Variants in SUMF1 observed in about 807,000 individuals in gnomAD.
SUMF1 encodes the protein formylglycine-generating enzyme.
Under a neutral mutation model 47.6 loss-of-function variants are expected in SUMF1, and 48 were observed. That is an observed-to-expected ratio of 1.01 (90% confidence interval 0.80 to 1.28). The LOEUF (loss-of-function observed/expected upper bound fraction) is 1.28, where lower values mean the gene tolerates loss of function less well. Ranked by LOEUF, SUMF1 falls within the 50% of genes most tolerant of loss-of-function variation. SUMF1 has a pLI of 0.00. For synonymous variants in SUMF1, 230 were observed against 192.1 expected, an observed-to-expected ratio of 1.20 and a Z score of -1.63; for missense variants, 571 against 485.4, an observed-to-expected ratio of 1.18 and a Z score of -1.66.
At chr3:4,081,618 A>T (rs1692561629) in intron 8 of SUMF1, among the ~76,000 whole-genome samples, 1 of 152,102 alleles carries the variant, frequency 6.6e-6, no homozygotes, top group Admixed American at 6.6e-5. Flanking sequence ...CTTCCTAATT[A>T]ATTTGACCAT....
Position 4,180,627 on chromosome 3 carries a change from G to A in SUMF1, c.1015-111882C>T, listed in dbSNP as rs530086837. On this transcript the variant is annotated intron_variant and NMD_transcript_variant, in intron 8 of 12. Transcript: ENST00000448413. The stretch of plus-strand genomic sequence containing the variant: ...TTGATGGGTGCAGCAAGCCAACATG[G>A]CACATGTATACCTATGTATCAAACC... Among the ~76,000 whole-genome samples the A allele has an allele frequency of 2.0e-5, 3 of 147,934 alleles. No individual in the cohort carries two copies. The South Asian group carries it at 6.5e-4, about 32-fold the overall frequency.
At chr3:4,243,686 T>C (rs1470649092) in intron 8 of SUMF1, among the ~76,000 whole-genome samples, 2 of 152,220 alleles carry the variant, frequency 1.3e-5, no homozygotes, top group Admixed American at 6.5e-5. Flanking sequence ...CTTCCAATTA[T>C]GTGGTCAGTT....
rs568714212 is a variant in SUMF1 at position 4,052,339 on chromosome 3, C to A, written c.1191+16230G>T. On this transcript the variant is annotated intron_variant and NMD_transcript_variant, in intron 9 of 12. Coordinates refer to the SUMF1 transcript ENST00000448413. ...ATCACATTAGGGGTTAGGAACTTAA[C>A]ATATAAATTTGGCAAGGACACAAAT... 3.9e-5 allele frequency among the ~76,000 whole-genome samples: 6 copies of A among 152,280 alleles called. No homozygotes were observed. In the East Asian group the frequency reaches 9.7e-4, roughly 25 times the overall value.
chr3:4,335,548 G>C (rs1047957959), intron 8 of SUMF1, among the ~76,000 whole-genome samples: 1 of 152,210 alleles, frequency 6.6e-6, no homozygotes, highest in Admixed American at 6.5e-5. Context: ...TTCTGCAGCA[G>C]AATTAACCTC....
At chr3:4,141,923 T>G (rs9859741) in intron 8 of SUMF1, among the ~76,000 whole-genome samples, 56 of 151,882 alleles carry the variant, frequency 3.7e-4, no homozygotes, top group African/African-American at 1.3e-3. Flanking sequence ...GGAACCCACA[T>G]GTTTTCAAAA....
At chr3:4,214,270 C>G (rs1695866536) in intron 8 of SUMF1, among the ~76,000 whole-genome samples, 1 of 152,154 alleles carries the variant, frequency 6.6e-6, no homozygotes, top group South Asian at 2.1e-4. Context: ...CAAAACTGAA[C>G]AACCACATGG....
chr3:4,296,749 G>A (rs1443527738), intron 8 of SUMF1, among the ~76,000 whole-genome samples: 1 of 152,066 alleles, frequency 6.6e-6, no homozygotes, highest in Non-Finnish European at 1.5e-5. Context: ...GAGCAAAGTA[G>A]CTAATTATCC....
intron 8 of SUMF1, among the ~76,000 whole-genome samples, chr3:4,193,193 T>C (rs1695357496): frequency 6.6e-6 from 1 of 152,130 alleles, no homozygotes; most frequent in Non-Finnish European, 1.5e-5. Flanking sequence ...AATATGGGTA[T>C]TATACATGAA....
chr3:4,065,541 C>A (rs1695355819), intron 9 of SUMF1, among the ~76,000 whole-genome samples: 1 of 152,092 alleles, frequency 6.6e-6, no homozygotes, highest in Non-Finnish European at 1.5e-5. Context: ...TCTTGCATTT[C>A]TACAGTGATT....
At chr3:4,365,973 T>C (rs1048728597) in intron 8 of SUMF1, among the ~76,000 whole-genome samples, 1 of 152,118 alleles carries the variant, frequency 6.6e-6, no homozygotes, top group Non-Finnish European at 1.5e-5. Context: ...CCTTCACTTA[T>C]GAAGCTTAGT....
At chr3:4,373,409 G>A (rs1376702162) in intron 8 of SUMF1, among the ~76,000 whole-genome samples, 1 of 151,836 alleles carries the variant, frequency 6.6e-6, no homozygotes, top group African/African-American at 2.4e-5. Context: ...TCAAGAAGAA[G>A]CAGATAAGCT....
intron 8 of SUMF1, among the ~76,000 whole-genome samples, chr3:4,349,596 A>G (rs566485509): frequency 2.0e-5 from 3 of 152,342 alleles, no homozygotes; most frequent in East Asian, 1.9e-4. Context: ...AATGCCCATC[A>G]ATGGTAGACT....
At chr3:4,208,600 G>T (rs901079393) in intron 8 of SUMF1, among the ~76,000 whole-genome samples, 1 of 151,850 alleles carries the variant, frequency 6.6e-6, no homozygotes. Context: ...TGGCAGAAAA[G>T]ATGAGTAACA....
At chr3:4,391,777 C>T (rs1700872264) in intron 7 of SUMF1, among the ~76,000 whole-genome samples, 1 of 152,048 alleles carries the variant, frequency 6.6e-6, no homozygotes, top group Non-Finnish European at 1.5e-5. Context: ...GCCACCATGC[C>T]CAGCCCTCTC....
At chr3:4,317,766 C>T (rs148790018) in intron 8 of SUMF1, among the ~76,000 whole-genome samples, 3 of 152,222 alleles carry the variant, frequency 2.0e-5, no homozygotes, top group African/African-American at 7.2e-5. Context: ...TGAACCTTTC[C>T]AAGTCAAAGT....
rs1261916754 is a variant in SUMF1, at chr3:4,457,031, TGTGTGTGTATATATATATAC to T, written c.271-4002_271-3983del. On this transcript the variant is annotated intron_variant, in intron 1 of 8. Coordinates refer to ENST00000272902, the MANE Select transcript of SUMF1 (RefSeq NM_182760.4). Reference sequence around the variant, plus strand: ...ATACGTGTGTGTACATATATATACGTGTGTGTGTATATATATATACGTGTGTGTATATATATATATATACG... The same window carrying T: ...ATACGTGTGTGTACATATATATACGTGTGTGTGTATATATATATATATACG... Among the ~76,000 whole-genome samples, 72 of 138,666 alleles carry T rather than the reference TGTGTGTGTATATATATATAC, an allele frequency of 5.2e-4. 2 individuals are homozygous for T. Among genetic ancestry groups the T allele is most frequent in the Admixed American group, 2.6e-3 (35 of 13,534 alleles). The allele number at this position is 138,666 out of a possible 152,430, so 91.0% of individuals were successfully genotyped here. A position where few individuals can be genotyped will look rare whatever the true frequency, so the allele number is the denominator to read the frequency against.
intron 8 of SUMF1, among the ~76,000 whole-genome samples, chr3:4,153,276 A>G (rs1354036200): frequency 2.0e-5 from 3 of 151,584 alleles, no homozygotes; most frequent in East Asian, 1.9e-4. Flanking sequence ...GCAGTAAGCA[A>G]TCATAGCTCA....
At chr3:4,287,768 AG>A (rs1216383776) in intron 8 of SUMF1, among the ~76,000 whole-genome samples, 1 of 152,236 alleles carries the variant, frequency 6.6e-6, no homozygotes, top group Admixed American at 6.5e-5. Flanking sequence ...ACAGATTCAA[AG>A]AATATAGTGC....
intron 8 of SUMF1, among the ~76,000 whole-genome samples, chr3:4,253,714 T>G (rs1257819526): frequency 1.4e-5 from 2 of 148,060 alleles, no homozygotes; most frequent in Admixed American, 6.7e-5. Context: ...CAGGCTTGAT[T>G]AGGTAAACAA....
Sources: gnomAD v4.1 joint callset for allele counts (sites outside exome capture counted in the v4.1 genomes callset) on GRCh38, gnomAD v4.1.1 for gene constraint, MANE v1.5 for transcripts, NCBI Gene and HGNC (gene_info 2026-07-23, HGNC 2026-07-21) for gene names.